The following HPGD variants were observed in gnomAD, a reference collection of about 807,000 sequenced individuals.
HPGD encodes 15-hydroxyprostaglandin dehydrogenase [NAD(+)].
HPGD carries 29 observed loss-of-function variants against 30.0 expected under a neutral mutation model. The observed-to-expected ratio is 0.97, with a 90% confidence interval of 0.72 to 1.32. The LOEUF is 1.32. HPGD is among the 40% of genes most tolerant of loss of function. The pLI is 0.00. For missense variants in HPGD, 340 were observed against 322.1 expected, an observed-to-expected ratio of 1.06 and a Z score of -0.43; for synonymous variants, 99 against 112.4, an observed-to-expected ratio of 0.88 and a Z score of 0.75.
At position 174,508,784 on chromosome 4, in the gene HPGD, A is replaced by G. The variant is rs1303220494; in HGVS notation, c.333T>C (p.Val111=). 2 of 1,568,042 alleles carry G rather than the reference A, an allele frequency of 1.3e-6. No homozygotes were observed. The highest frequency in any genetic ancestry group is 3.3e-5 in the Admixed American group (2 of 59,950). ...CCAAACCAAGATAGGTTCCACTGAT[A>G]ACAGAAACCTAATCCAGAGGCATAA... The part of the protein sequence containing the change: ...EKTLQINLVS[V]ISGTYLGLDY... The change falls in exon 4 of 7, where the codon GTT becomes GTC. Residue 111 remains valine, a synonymous_variant. Coordinates refer to ENST00000296522, the MANE Select transcript of HPGD (RefSeq NM_000860.6).
At chr4:174,493,096 T>C in intron 6 of HPGD, 55 bp downstream of exon 6, 1 of 1,424,386 alleles carries the variant, frequency 7.0e-7, no homozygotes, top group Non-Finnish European at 9.6e-7. Context: ...TTATAGCTTA[T>C]CTAAATAATG....
At chr4:174,521,917 G>C in intron 2 of HPGD, 27 bp downstream of exon 2, 1 of 1,613,758 alleles carries the variant, frequency 6.2e-7, no homozygotes, top group Non-Finnish European at 8.5e-7. Context: ...CACGTTCCCA[G>C]TTGACAGATT....
chr4:174,518,570 G>A (rs1050506627), intron 2 of HPGD, among the ~76,000 whole-genome samples: 2 of 152,096 alleles, frequency 1.3e-5, no homozygotes, highest in African/African-American at 4.8e-5. Context: ...AAATATTCTT[G>A]TGTATTCAGA....
chr4:174,519,996 T>C (rs1736006929), intron 2 of HPGD, among the ~76,000 whole-genome samples: 1 of 152,162 alleles, frequency 6.6e-6, no homozygotes, highest in Admixed American at 6.5e-5. Flanking sequence ...AAAATGTTTC[T>C]TAAAATCTCA....
intron 2 of HPGD, 117 bp downstream of exon 2, chr4:174,521,827 T>C (rs1736140899): frequency 8.6e-7 from 1 of 1,163,934 alleles, no homozygotes; most frequent in Non-Finnish European, 1.3e-6. Context: ...AGCTTCAAGG[T>C]AGCTGCTCTC....
At chr4:174,502,235 C>T (rs1352599967) in intron 4 of HPGD, among the ~76,000 whole-genome samples, 1 of 152,202 alleles carries the variant, frequency 6.6e-6, no homozygotes, top group African/African-American at 2.4e-5. Flanking sequence ...TATTTATCTA[C>T]GATTCGTGCA....
chr4:174,512,911 T>C (rs1207278216), intron 3 of HPGD, among the ~76,000 whole-genome samples: 1 of 152,208 alleles, frequency 6.6e-6, no homozygotes, highest in Non-Finnish European at 1.5e-5. Context: ...TTGCCCATGA[T>C]ATTGGCACTT....
Position 174,491,525 on chromosome 4 carries a change from C to A in HPGD, c.*431G>T. 5.9e-6 allele frequency: 1 copy of A among 170,026 alleles called. No homozygotes were observed. The highest frequency in any genetic ancestry group is 1.3e-5 in the Non-Finnish European group (1 of 78,464). 10.5% of individuals were successfully genotyped at this position (170,026 alleles called of 1,614,324 possible). Reference sequence around the variant, plus strand: ...AAAATTATTATTGTGAAATATTTGTCATTGTTAAGTAGCTTTCCTCTTTTA... The same window carrying A: ...AAAATTATTATTGTGAAATATTTGTAATTGTTAAGTAGCTTTCCTCTTTTA... On this transcript the variant is annotated 3_prime_UTR_variant, in exon 7 of 7. Coordinates refer to ENST00000296522, the MANE Select transcript of HPGD (RefSeq NM_000860.6).
intron 4 of HPGD, among the ~76,000 whole-genome samples, chr4:174,505,392 G>C: frequency 6.6e-6 from 1 of 152,156 alleles, no homozygotes; most frequent in East Asian, 1.9e-4. Context: ...GCAAGGTTTG[G>C]AAAACACAGA....
intron 3 of HPGD, among the ~76,000 whole-genome samples, chr4:174,514,711 A>C (rs972802742): frequency 5.9e-5 from 9 of 152,272 alleles, no homozygotes; most frequent in African/African-American, 2.2e-4. Context: ...AAATAAGAAG[A>C]GAGGAAGTCA....
At chr4:174,520,395 T>C (rs1736042748) in intron 2 of HPGD, among the ~76,000 whole-genome samples, 1 of 152,242 alleles carries the variant, frequency 6.6e-6, no homozygotes, top group African/African-American at 2.4e-5. Context: ...TCATCTCATA[T>C]TTTTATAATT....
upstream of HPGD, chr4:174,522,574 G>A (rs886059256): frequency 5.7e-4 from 357 of 630,458 alleles, no homozygotes; most frequent in Non-Finnish European, 8.4e-4. Flanking sequence ...CAGTGGGCGG[G>A]GAGGAAACTG....
chr4:174,495,221 A>G (rs1029025262), intron 5 of HPGD: 18 of 350,312 alleles, frequency 5.1e-5, no homozygotes, highest in African/African-American at 3.4e-4. Context: ...GCTGGGGCCT[A>G]TTGCATCTTG....
At position 174,522,003 on chromosome 4, in the gene HPGD, A is replaced by G; in HGVS notation, c.158T>C (p.Phe53Ser). ...VQCKAALDEQ[F>S]EPQKTLFIQC... is the part of the protein sequence containing the mutation. ...GATGAACAGAGTCTTCTGAGGTTCAAACTGCTCATCCAGGGCAGCTTTACA... is the reference window on the plus strand; with the variant it reads ...GATGAACAGAGTCTTCTGAGGTTCAGACTGCTCATCCAGGGCAGCTTTACA... The change falls in exon 2 of 7, where the codon TTT becomes TCT. Residue 53 changes from phenylalanine (F) to serine (S), a missense_variant. Coordinates refer to ENST00000296522, the MANE Select transcript of HPGD (RefSeq NM_000860.6). 8.7e-6 allele frequency: 14 copies of G among 1,614,160 alleles called. No homozygotes were observed. The highest frequency in any genetic ancestry group is 1.2e-5 in the Non-Finnish European group (14 of 1,180,014).
In HPGD at chr4:174,500,288, G is replaced by A. The variant is rs45570833; in HGVS notation, c.422-4664C>T. ...TACTGATGAATATGTCAAGAAACAA[G>A]AACTCCAATTCATTGCTGGTGCGAA... On this transcript the variant is annotated intron_variant, in intron 4 of 6. Coordinates refer to ENST00000296522, the MANE Select transcript of HPGD (RefSeq NM_000860.6). Among the ~76,000 whole-genome samples, 608 of 152,294 alleles carry A rather than the reference G, an allele frequency of 4.0e-3. 5 individuals are homozygous for A. Among genetic ancestry groups the A allele is most frequent in the African/African-American group, 0.014 (564 of 41,556 alleles).
Position 174,491,595 on chromosome 4 carries a change from AAT to A in HPGD, c.*359_*360del, listed in dbSNP as rs1734346759. The A allele has an allele frequency of 5.0e-6, 1 of 199,620 alleles. No homozygotes were observed. Among genetic ancestry groups the A allele is most frequent in the African/African-American group, 2.3e-5 (1 of 42,782 alleles). 12.4% of individuals were successfully genotyped at this position (199,620 alleles called of 1,614,324 possible). On this transcript the variant is annotated 3_prime_UTR_variant, in exon 7 of 7. Transcript: ENST00000296522. ...AGTGTTTTACATCTGGTTTGATTTA[AAT>A]AACAATTCAAGTATCTCCTTTAAAA...
rs144520232 is a variant in HPGD, at chr4:174,491,518, T to C, written c.*438A>G. The C allele has an allele frequency of 2.4e-3, 404 of 171,434 alleles. 2 individuals are homozygous for C. Among genetic ancestry groups the C allele is most frequent in the Admixed American group, 4.1e-3 (71 of 17,302 alleles). 10.6% of individuals were successfully genotyped at this position (171,434 alleles called of 1,614,324 possible). ...ATAAGTAAAAATTATTATTGTGAAA[T>C]ATTTGTCATTGTTAAGTAGCTTTCC... On this transcript the variant is annotated 3_prime_UTR_variant, in exon 7 of 7. Transcript: ENST00000296522.
At chr4:174,521,800 T>C in intron 2 of HPGD, 144 bp downstream of exon 2, 3 of 930,302 alleles carry the variant, frequency 3.2e-6, no homozygotes, top group Non-Finnish European at 5.2e-6. Context: ...AACGTATCAG[T>C]CCAAACTGTC....
intron 3 of HPGD, among the ~76,000 whole-genome samples, chr4:174,509,539 A>G (rs1453969363): frequency 6.6e-6 from 1 of 152,188 alleles, no homozygotes; most frequent in Non-Finnish European, 1.5e-5. Flanking sequence ...CTCTTAAGAA[A>G]ACCTGAAGAA....
Sources: gnomAD v4.1 joint callset for allele counts (sites outside exome capture counted in the v4.1 genomes callset) on GRCh38, gnomAD v4.1.1 for gene constraint, MANE v1.5 for transcripts, NCBI Gene and HGNC (gene_info 2026-07-23, HGNC 2026-07-21) for gene names.